The following PRKAB2 variants were observed in gnomAD, a reference collection of about 807,000 sequenced individuals.
PRKAB2 encodes protein kinase AMP-activated non-catalytic subunit beta 2, also known as 5'-AMP-activated protein kinase subunit beta-2.
In PRKAB2, 18 loss-of-function variants were observed where a neutral mutation model predicts 29.8. The observed-to-expected ratio is 0.60, with a 90% CI of 0.42 to 0.89. PRKAB2 has a LOEUF of 0.89. Among genes scored for constraint, PRKAB2 ranks in the 40% least tolerant of loss-of-function variants. PRKAB2 has a pLI of 0.00. For missense variants in PRKAB2, 270 were observed against 344.3 expected (o/e 0.78, Z 1.71); for synonymous variants, 136 against 125.9 (o/e 1.08, Z -0.54).
intron 5 of PRKAB2, among the ~76,000 whole-genome samples, chr1:147,165,107 G>A (rs1261978222): frequency 6.6e-6 from 1 of 152,058 alleles, no homozygotes; most frequent in Non-Finnish European, 1.5e-5. Flanking sequence ...CTCACTGCAA[G>A]CTCCGCCTCC....
chr1:147,156,049 T>C lies in PRKAB2; in HGVS notation c.*3516A>G, dbSNP rs1653658032. 6.6e-6 allele frequency: 1 copy of C among 152,328 alleles called. No individual in the cohort carries two copies. Among genetic ancestry groups the C allele is most frequent in the Non-Finnish European group, 1.5e-5 (1 of 68,020 alleles). The allele number at this position is 152,328 out of a possible 1,614,324, so 9.4% of individuals were successfully genotyped here. On this transcript the variant is annotated 3_prime_UTR_variant, in exon 8 of 8. Coordinates refer to ENST00000254101, the MANE Select transcript of PRKAB2 (RefSeq NM_005399.5). ...CCTAATGGCTACCCCTCCCAGGTCC[T>C]GCATTCCATGGGTAACTGGAGTCAG... is the stretch of plus-strand genomic sequence containing the variant.
intron 2 of PRKAB2, among the ~76,000 whole-genome samples, chr1:147,171,366 G>A (rs2101635411): frequency 6.6e-6 from 1 of 152,304 alleles, no homozygotes; most frequent in Non-Finnish European, 1.5e-5. Flanking sequence ...CACAGCCTCA[G>A]CCACCACAAC....
chr1:147,162,624 T>G (rs1457924422), intron 5 of PRKAB2, 51 bp from the exon 6 acceptor site: 2 of 1,535,164 alleles, frequency 1.3e-6, no homozygotes, highest in Non-Finnish European at 1.8e-6. Flanking sequence ...TTAGCAAGAA[T>G]GCATGGAAAA....
At chr1:147,168,597 C>T (rs1654364651) in intron 2 of PRKAB2, among the ~76,000 whole-genome samples, 1 of 152,174 alleles carries the variant, frequency 6.6e-6, no homozygotes, top group Admixed American at 6.5e-5. Context: ...TCTAGAACCT[C>T]AAGAAGCAAG....
chr1:147,169,535 A>G (rs1553914102), intron 2 of PRKAB2, among the ~76,000 whole-genome samples: 3 of 152,306 alleles, frequency 2.0e-5, no homozygotes, highest in South Asian at 2.1e-4. Flanking sequence ...AAAATAAAGG[A>G]AAAAAAGCTT....
rs1207335857 is a variant in PRKAB2, at chr1:147,158,126, C to T, written c.*1439G>A. 6 of 151,976 alleles carry T rather than the reference C, an allele frequency of 3.9e-5. No individual in the cohort carries two copies. The highest frequency in any genetic ancestry group is 3.3e-4 in the Admixed American group (5 of 15,252). The allele number at this position is 151,976 out of a possible 1,614,324, so 9.4% of individuals were successfully genotyped here. On this transcript the variant is annotated 3_prime_UTR_variant, in exon 8 of 8. Transcript: ENST00000254101. Reference sequence around the variant, plus strand: ...TGACTTATCTGCAAAATGGAAGAGCCCCAGCTACTTGGGAAAAAATGTTTT... The same window carrying T: ...TGACTTATCTGCAAAATGGAAGAGCTCCAGCTACTTGGGAAAAAATGTTTT...
In PRKAB2 at chr1:147,159,525, G is replaced by C. The variant is rs782648823; in HGVS notation, c.*40C>G. ...TGGTTCAGTCCAGAAATGCAAGGGAGATGCTTCTCCTGAATCCTTAGAGGC... is the reference window on the plus strand; with the variant it reads ...TGGTTCAGTCCAGAAATGCAAGGGACATGCTTCTCCTGAATCCTTAGAGGC... On this transcript the variant is annotated 3_prime_UTR_variant, in exon 8 of 8. Coordinates refer to ENST00000254101, the MANE Select transcript of PRKAB2 (RefSeq NM_005399.5). 6.4e-7 allele frequency: 1 copy of C among 1,562,346 alleles called. No individual in the cohort carries two copies. Among genetic ancestry groups the C allele is most frequent in the Non-Finnish European group, 8.8e-7 (1 of 1,134,396 alleles).
chr1:147,166,668 T>A, intron 4 of PRKAB2, 50 bp from the exon 5 acceptor site: 1 of 1,601,024 alleles, frequency 6.2e-7, no homozygotes, highest in Non-Finnish European at 8.5e-7. Context: ...CAAATCCATC[T>A]CTTCCATCCA....
chr1:147,168,549 A>G (rs6672777), intron 2 of PRKAB2, among the ~76,000 whole-genome samples: 1,920 of 152,368 alleles, frequency 0.013, 42 homozygotes, highest in African/African-American at 0.044. Context: ...CCCCTATCCC[A>G]GGCTTATACT....
intron 5 of PRKAB2, 42 bp from the exon 6 acceptor site, chr1:147,162,615 T>TCC: frequency 6.4e-7 from 1 of 1,558,408 alleles, no homozygotes; most frequent in African/African-American, 1.4e-5. Flanking sequence ...GTTGGAGAAT[T>TCC]AGCAAGAATG....
Position 147,172,181 on chromosome 1 carries a change from C to T in PRKAB2, c.-23-14G>A. 1 of 1,520,772 alleles carries T rather than the reference C, an allele frequency of 6.6e-7. No homozygotes were observed. The highest frequency in any genetic ancestry group is 8.8e-7 in the Non-Finnish European group (1 of 1,134,660). 94.2% of individuals were successfully genotyped at this position (1,520,772 alleles called of 1,614,324 possible). On this transcript the variant is annotated splice_polypyrimidine_tract_variant and intron_variant, in intron 1 of 7. Coordinates refer to ENST00000254101, the MANE Select transcript of PRKAB2 (RefSeq NM_005399.5). The stretch of plus-strand genomic sequence containing the variant: ...GTCGGGGACCACCTACCGCGGGGAA[C>T]GACACCGGGCTGGGAACACCTCAGC...
intron 2 of PRKAB2, among the ~76,000 whole-genome samples, chr1:147,169,250 C>T (rs1571066937): frequency 6.6e-6 from 1 of 152,096 alleles, no homozygotes; most frequent in African/African-American, 2.4e-5. Flanking sequence ...CATAGCTTCC[C>T]TCCATACATT....
intron 5 of PRKAB2, among the ~76,000 whole-genome samples, chr1:147,165,855 A>G (rs1654218247): frequency 6.6e-6 from 1 of 151,904 alleles, no homozygotes; most frequent in African/African-American, 2.4e-5. Flanking sequence ...TGGAGTGAGG[A>G]GGCTCAAACA....
In PRKAB2 at chr1:147,156,563, T is replaced by G. The variant is rs746481485; in HGVS notation, c.*3002A>C. On this transcript the variant is annotated 3_prime_UTR_variant, in exon 8 of 8. Transcript: ENST00000254101. The stretch of plus-strand genomic sequence containing the variant: ...AGTTTCTCTACCATACAAACATACG[T>G]TTTAAAAGCCAACACTATTGAGGTT... The G allele has an allele frequency of 7.2e-5, 11 of 152,178 alleles. No individual in the cohort carries two copies. The highest frequency in any genetic ancestry group is 7.2e-4 in the Admixed American group (11 of 15,272). 9.4% of individuals were successfully genotyped at this position (152,178 alleles called of 1,614,324 possible).
At position 147,162,847 on chromosome 1, in the gene PRKAB2, T is replaced by G. The variant is rs910418225; in HGVS notation, c.539-274A>C. ...CCAGGCTCAGGGAAGAGCTACTACA[T>G]GTATCAGCTGTAGGACCTTGGAAGA... On this transcript the variant is annotated intron_variant, in intron 5 of 7. Transcript: ENST00000254101. Among the ~76,000 whole-genome samples the G allele has an allele frequency of 1.3e-5, 2 of 152,144 alleles. 1 individual carries two copies. The highest frequency in any genetic ancestry group is 3.9e-4 in the East Asian group (2 of 5,194).
chr1:147,162,542 A>T lies in PRKAB2; in HGVS notation c.570T>A (p.Gly190=). ...CAGATCGAAACGCATACATTTCTTG[A>T]CCATAAGGCCCTGGGGGTGAGCTGG... ...DLSSSPPGPY[G]QEMYAFRSEE... Residue 190 remains glycine, a synonymous_variant, in exon 6 of 8, where the codon GGT becomes GGA. Transcript: ENST00000254101. 2.5e-6 allele frequency: 4 copies of T among 1,612,534 alleles called. No individual in the cohort carries two copies. The highest frequency in any genetic ancestry group is 3.4e-6 in the Non-Finnish European group (4 of 1,178,844).
chr1:147,171,319 C>A (rs1553914330), intron 2 of PRKAB2, among the ~76,000 whole-genome samples: 1 of 152,206 alleles, frequency 6.6e-6, no homozygotes, highest in Admixed American at 6.5e-5. Flanking sequence ...ATCATTGGCT[C>A]TTCCACCTAC....
At position 147,155,923 on chromosome 1, in the gene PRKAB2, A is replaced by G. The variant is rs1559604465; in HGVS notation, c.*3642T>C. On this transcript the variant is annotated 3_prime_UTR_variant, in exon 8 of 8. Transcript: ENST00000254101. ...TAATTTAAATTTGGCTTTTTACTCT[A>G]AAAGTTTGGGTTCATTGCAGAAATC... is the stretch of plus-strand genomic sequence containing the variant. The G allele has an allele frequency of 6.6e-6, 1 of 152,148 alleles. No individual in the cohort carries two copies. The highest frequency in any genetic ancestry group is 1.9e-4 in the East Asian group (1 of 5,188). 9.4% of individuals were successfully genotyped at this position (152,148 alleles called of 1,614,324 possible).
intron 6 of PRKAB2, among the ~76,000 whole-genome samples, chr1:147,162,025 G>C (rs2101618510): frequency 6.6e-6 from 1 of 152,186 alleles, no homozygotes; most frequent in South Asian, 2.1e-4. Flanking sequence ...CCTTAAGAGA[G>C]CTAAAACAAA....
Sources: gnomAD v4.1 joint callset for allele counts (sites outside exome capture counted in the v4.1 genomes callset) on GRCh38, gnomAD v4.1.1 for gene constraint, MANE v1.5 for transcripts, NCBI Gene and HGNC (gene_info 2026-07-23, HGNC 2026-07-21) for gene names.